Variants in DLG2 observed in about 807,000 individuals in gnomAD.
The protein encoded by DLG2 is discs large MAGUK scaffold protein 2.
In DLG2, 45 loss-of-function variants were observed where a neutral mutation model predicts 132.5. That is an observed-to-expected ratio of 0.34 (90% confidence interval 0.27 to 0.44). The LOEUF is 0.44. Ranked by LOEUF, DLG2 falls within the 20% of genes least tolerant of loss-of-function variation. The pLI, the probability that DLG2 is intolerant of heterozygous loss-of-function variation, is 1.00. For synonymous variants in DLG2, 424 were observed against 419.6 expected, an observed-to-expected ratio of 1.01 and a Z score of -0.13; for missense variants, 1,045 against 1,196.9, an observed-to-expected ratio of 0.87 and a Z score of 1.87.
At chr11:85,101,672 A>C (rs1000445949) in intron 6 of DLG2, among the ~76,000 whole-genome samples, 1 of 152,114 alleles carries the variant, frequency 6.6e-6, no homozygotes, top group Non-Finnish European at 1.5e-5. Context: ...TTATTGAATC[A>C]CCATATTCTA....
chr11:84,495,500 A>C (rs1177337983), intron 7 of DLG2, among the ~76,000 whole-genome samples: 1 of 152,298 alleles, frequency 6.6e-6, no homozygotes, highest in Non-Finnish European at 1.5e-5. Flanking sequence ...AAGAAAAAGG[A>C]CTGGGTCTTA....
intron 3 of DLG2, among the ~76,000 whole-genome samples, chr11:85,488,469 A>G (rs1027408984): frequency 6.6e-6 from 1 of 152,012 alleles, no homozygotes; most frequent in Non-Finnish European, 1.5e-5. Flanking sequence ...CCCCAGCCAT[A>G]TGAAACTGTA....
At chr11:85,230,422 C>T (rs958832558) in intron 4 of DLG2, among the ~76,000 whole-genome samples, 1 of 150,886 alleles carries the variant, frequency 6.6e-6, no homozygotes, top group African/African-American at 2.4e-5. Context: ...ATCTCGTATT[C>T]ATTTATTTAA....
chr11:84,251,331 T>C (rs1598383420), intron 7 of DLG2, 40 bp from the exon 8 acceptor site: 1 of 1,412,218 alleles, frequency 7.1e-7, no homozygotes, highest in East Asian at 2.5e-5. Flanking sequence ...TAATGAATAG[T>C]GTATTCTGAG....
At chr11:84,541,533 T>C (rs1437732404) in intron 6 of DLG2, among the ~76,000 whole-genome samples, 1 of 152,082 alleles carries the variant, frequency 6.6e-6, no homozygotes, top group Admixed American at 6.6e-5. Flanking sequence ...CTGCACAGGA[T>C]TTTGTCAATG....
intron 6 of DLG2, among the ~76,000 whole-genome samples, chr11:84,889,788 A>G (rs2089015183): frequency 6.6e-6 from 1 of 152,270 alleles, no homozygotes; most frequent in South Asian, 2.1e-4. Flanking sequence ...GCGCAATGGC[A>G]TGTACATCTA....
intron 8 of DLG2, among the ~76,000 whole-genome samples, chr11:84,182,745 AAGTT>A (rs1024418371): frequency 2.0e-5 from 3 of 152,150 alleles, no homozygotes; most frequent in Non-Finnish European, 4.4e-5. Flanking sequence ...AAAGAAGTAA[AAGTT>A]AGAGAAGATC....
intron 10 of DLG2, among the ~76,000 whole-genome samples, chr11:84,073,753 C>T (rs7104139): frequency 0.013 from 1,936 of 152,126 alleles, 34 homozygotes; most frequent in African/African-American, 0.044. Context: ...AAAATTAAAC[C>T]GTAAGTCTGA....
At chr11:84,964,202 A>G (rs1246073377) in intron 6 of DLG2, among the ~76,000 whole-genome samples, 1 of 152,070 alleles carries the variant, frequency 6.6e-6, no homozygotes, top group Non-Finnish European at 1.5e-5. Context: ...AAAAAAACAG[A>G]AAAGTATTTG....
At chr11:83,486,369 C>T (rs2137731883) in intron 21 of DLG2, 1 of 568,636 alleles carries the variant, frequency 1.8e-6, no homozygotes, top group East Asian at 3.0e-5. Context: ...AAAAATTACA[C>T]ATTTTCATGC....
intron 6 of DLG2, among the ~76,000 whole-genome samples, chr11:85,034,575 C>G (rs906044524): frequency 1.4e-4 from 22 of 152,116 alleles, no homozygotes; most frequent in African/African-American, 4.1e-4. Context: ...GGACAGAATT[C>G]CTTTTTTCTC....
At chr11:84,027,096 A>T (rs1457175618) in intron 11 of DLG2, among the ~76,000 whole-genome samples, 1 of 152,020 alleles carries the variant, frequency 6.6e-6, no homozygotes, top group Non-Finnish European at 1.5e-5. Context: ...CACTGTGGGT[A>T]ACAAAGGTAT....
At chr11:85,619,466 T>G (rs2081554207) in intron 2 of DLG2, among the ~76,000 whole-genome samples, 1 of 152,164 alleles carries the variant, frequency 6.6e-6, no homozygotes, top group Admixed American at 6.5e-5. Flanking sequence ...TCTAGGATGA[T>G]TCAGTGCTTA....
Position 85,233,644 on chromosome 11 carries a change from A to G in DLG2, c.186+51576T>C, listed in dbSNP as rs1429057485. Among the ~76,000 whole-genome samples the G allele has an allele frequency of 4.0e-5, 6 of 151,606 alleles. No individual in the cohort carries two copies. In the Admixed American group the frequency reaches 4.0e-4, roughly 10 times the overall value. ...AAGATAATGGGAAGGAGGGCTAGAT[A>G]CCATTAGAAGCCAAACTCTGCTGTG... On this transcript the variant is annotated intron_variant, in intron 4 of 27. Coordinates refer to ENST00000376104, the MANE Select transcript of DLG2 (RefSeq NM_001142699.3).
chr11:85,529,110 A>G (rs2075006012), intron 3 of DLG2, among the ~76,000 whole-genome samples: 1 of 152,226 alleles, frequency 6.6e-6, no homozygotes, highest in Admixed American at 6.5e-5. Context: ...AGTTTCACAC[A>G]AATATATATG....
At chr11:84,753,869 T>C (rs2066505339) in intron 6 of DLG2, among the ~76,000 whole-genome samples, 1 of 152,188 alleles carries the variant, frequency 6.6e-6, no homozygotes, top group African/African-American at 2.4e-5. Flanking sequence ...TTCACTGTAC[T>C]AGAGACAAGT....
chr11:84,611,434 T>G (rs1012810923), intron 6 of DLG2, among the ~76,000 whole-genome samples: 1 of 152,104 alleles, frequency 6.6e-6, no homozygotes, highest in Admixed American at 6.6e-5. Context: ...TATATACAGA[T>G]GAACAGAGAC....
chr11:83,906,328 T>TC (rs2074966731), intron 15 of DLG2, among the ~76,000 whole-genome samples: 1 of 120,408 alleles, frequency 8.3e-6, no homozygotes, highest in Non-Finnish European at 1.7e-5. Flanking sequence ...CACCTCGGCC[T>TC]CCCAAAGTGC....
At chr11:83,635,279 T>G (rs2064500005) in intron 18 of DLG2, among the ~76,000 whole-genome samples, 1 of 152,186 alleles carries the variant, frequency 6.6e-6, no homozygotes, top group Non-Finnish European at 1.5e-5. Context: ...CGATACTGTA[T>G]GCAGATTTAA....
Sources: allele counts gnomAD v4.1 joint callset (sites outside exome capture counted in the v4.1 genomes callset), GRCh38; gene constraint gnomAD v4.1.1; transcripts MANE v1.5; gene names NCBI Gene and HGNC (gene_info 2026-07-23, HGNC 2026-07-21).